The following SLC16A7 variants were observed in gnomAD, a reference collection of about 807,000 sequenced individuals.
SLC16A7 encodes monocarboxylate transporter 2.
SLC16A7 carries 33 observed loss-of-function variants against 34.9 expected under a neutral mutation model. That is an observed-to-expected ratio of 0.94 (90% CI 0.72 to 1.26). SLC16A7 has a LOEUF of 1.26. SLC16A7 is among the 50% of genes most tolerant of loss of function. The probability of loss-of-function intolerance (pLI) is 0.00; values close to 1 mark genes in which losing one functional copy is unlikely to be tolerated. For missense variants in SLC16A7, 573 were observed against 578.1 expected (o/e 0.99, Z 0.09); for synonymous variants, 201 against 206.6 (o/e 0.97, Z 0.23).
intron 2 of SLC16A7, among the ~76,000 whole-genome samples, chr12:59,671,658 TTCTCTCTCTC>T (rs34073980): frequency 7.2e-6 from 1 of 139,578 alleles, no homozygotes; most frequent in African/African-American, 2.6e-5. Flanking sequence ...ACAGTGCTCT[TTCTCTCTCTC>T]TCTCTCTCTC....
intron 3 of SLC16A7, among the ~76,000 whole-genome samples, chr12:59,758,542 AATG>A (rs1028305739): frequency 9.9e-5 from 15 of 152,054 alleles, no homozygotes; most frequent in Admixed American, 1.3e-4. Context: ...AATAGAATAA[AATG>A]ATAATATTGA....
chr12:59,751,738 CT>C (rs1879596055), intron 3 of SLC16A7, among the ~76,000 whole-genome samples: 1 of 152,204 alleles, frequency 6.6e-6, no homozygotes, highest in South Asian at 2.1e-4. Context: ...TGTCTGACAG[CT>C]TTGAAGAGAG....
At chr12:59,674,843 C>G (rs1287103760) in intron 2 of SLC16A7, among the ~76,000 whole-genome samples, 2 of 152,206 alleles carry the variant, frequency 1.3e-5, no homozygotes, top group African/African-American at 4.8e-5. Flanking sequence ...AAGGCTGTTA[C>G]TCACATGATA....
chr12:59,640,719 C>G (rs1880645424), intron 1 of SLC16A7, among the ~76,000 whole-genome samples: 1 of 151,844 alleles, frequency 6.6e-6, no homozygotes, highest in African/African-American at 2.4e-5. Flanking sequence ...CAGCCCCTAT[C>G]CAAAACAAGT....
chr12:59,701,066 G>A (rs1051117660), intron 2 of SLC16A7, among the ~76,000 whole-genome samples: 8 of 151,698 alleles, frequency 5.3e-5, no homozygotes, highest in African/African-American at 1.9e-4. Context: ...TAAAAGACAT[G>A]TAATTTGGAA....
In SLC16A7 at chr12:59,743,367, C is replaced by G. The variant is rs556451169; in HGVS notation, c.218-27852C>G. On this transcript the variant is annotated intron_variant, in intron 3 of 5. Coordinates refer to ENST00000547379, the MANE Select transcript of SLC16A7 (RefSeq NM_001270623.2). ...TTTAAATGCCTTTGCATTTAAAATTCATTCTGATAATTTGCCATCTCTAAA... is the reference window on the plus strand; with the variant it reads ...TTTAAATGCCTTTGCATTTAAAATTGATTCTGATAATTTGCCATCTCTAAA... Among the ~76,000 whole-genome samples, 138 of 152,260 alleles carry G rather than the reference C, an allele frequency of 9.1e-4. 1 individual carries two copies. Among genetic ancestry groups the G allele is most frequent in the Non-Finnish European group, 4.1e-4 (28 of 68,012 alleles).
chr12:59,761,486 A>AT (rs1266101148), intron 3 of SLC16A7, among the ~76,000 whole-genome samples: 1 of 152,118 alleles, frequency 6.6e-6, no homozygotes, highest in Non-Finnish European at 1.5e-5. Flanking sequence ...ATCTGAATCT[A>AT]TTTGTTCAAC....
chr12:59,605,653 T>G (rs1878902994), intron 1 of SLC16A7, among the ~76,000 whole-genome samples: 1 of 152,236 alleles, frequency 6.6e-6, no homozygotes, highest in South Asian at 2.1e-4. Context: ...TTTTTAGTCT[T>G]GAGTTACACA....
At chr12:59,654,805 C>G (rs1449940681) in intron 1 of SLC16A7, among the ~76,000 whole-genome samples, 3 of 151,764 alleles carry the variant, frequency 2.0e-5, no homozygotes, top group Non-Finnish European at 4.4e-5. Context: ...AGATGGTGGA[C>G]TGAAATGAGT....
chr12:59,676,885 G>A (rs1870357831), intron 2 of SLC16A7, among the ~76,000 whole-genome samples: 1 of 151,918 alleles, frequency 6.6e-6, no homozygotes, highest in South Asian at 2.1e-4. Flanking sequence ...ATTTGCATAA[G>A]GTAGAAAGCA....
At chr12:59,752,960 T>G in intron 3 of SLC16A7, among the ~76,000 whole-genome samples, 1 of 152,110 alleles carries the variant, frequency 6.6e-6, no homozygotes, top group Non-Finnish European at 1.5e-5. Flanking sequence ...TCAACATTCT[T>G]AAAGAAAAGA....
Position 59,783,954 on chromosome 12 carries a change from CAGGCGTG to C in SLC16A7, c.*4278_*4284del, listed in dbSNP as rs1565728358. On this transcript the variant is annotated 3_prime_UTR_variant, in exon 6 of 6. Transcript: ENST00000547379. ...TCTGCCTCCCAAAGTGCTGGGATTACAGGCGTGAGCCACTGCGCCCAGCCTTGAATAT... is the reference window on the plus strand; with the variant it reads ...TCTGCCTCCCAAAGTGCTGGGATTACAGCCACTGCGCCCAGCCTTGAATAT... 1 of 152,300 alleles carries C rather than the reference CAGGCGTG, an allele frequency of 6.6e-6. No homozygotes were observed. The highest frequency in any genetic ancestry group is 1.9e-4 in the East Asian group (1 of 5,176). The allele number at this position is 152,300 out of a possible 1,614,324, so 9.4% of individuals were successfully genotyped here. A position where few individuals can be genotyped will look rare whatever the true frequency, so the allele number is the denominator to read the frequency against.
intron 3 of SLC16A7, chr12:59,735,895 C>T (rs1877532496): frequency 2.5e-6 from 3 of 1,187,116 alleles, no homozygotes; most frequent in South Asian, 1.5e-5. Flanking sequence ...TTCAAATGGC[C>T]CCTAACAGAT....
intron 2 of SLC16A7, 34 bp from the exon 3 acceptor site, chr12:59,704,738 A>ATT (rs1873363417): frequency 8.7e-7 from 1 of 1,151,608 alleles, no homozygotes; most frequent in African/African-American, 1.6e-5. Context: ...AGGGGAAATA[A>ATT]AATTTAAACT....
chr12:59,596,602 T>G lies in SLC16A7; in HGVS notation c.-130+366T>G, dbSNP rs1878410997. 6.6e-6 allele frequency among the ~76,000 whole-genome samples: 1 copy of G among 150,980 alleles called. No homozygotes were observed. The highest frequency in any genetic ancestry group is 1.5e-5 in the Non-Finnish European group (1 of 67,776). ...CAGCGTGGCGCGGTGCACCCCAGTC[T>G]CCCTGGCTCACGGGACTCCGAGGGC... On this transcript the variant is annotated intron_variant, in intron 1 of 5. Coordinates refer to ENST00000547379, the MANE Select transcript of SLC16A7 (RefSeq NM_001270623.2). This position sits in a 1 kb window ranked among gnomAD's most constrained non-coding sequence, Gnocchi z 5.0.
chr12:59,764,323 T>C (rs1340779187), intron 3 of SLC16A7, among the ~76,000 whole-genome samples: 1 of 152,118 alleles, frequency 6.6e-6, no homozygotes, highest in Non-Finnish European at 1.5e-5. Flanking sequence ...AGTACATTTT[T>C]TTGTTTTTGT....
intron 2 of SLC16A7, among the ~76,000 whole-genome samples, chr12:59,703,536 A>G (rs1447626386): frequency 1.3e-5 from 2 of 152,140 alleles, no homozygotes; most frequent in Non-Finnish European, 2.9e-5. Flanking sequence ...ATATATTTAT[A>G]AAAAATGTTT....
intron 1 of SLC16A7, among the ~76,000 whole-genome samples, chr12:59,615,667 A>G (rs905941570): frequency 6.6e-6 from 1 of 152,184 alleles, no homozygotes; most frequent in Non-Finnish European, 1.5e-5. Flanking sequence ...CCCTTTGGTG[A>G]CTGTTCATAC....
At position 59,675,057 on chromosome 12, in the gene SLC16A7, T is replaced by C. The variant is rs184120532; in HGVS notation, c.-31+19807T>C. Among the ~76,000 whole-genome samples the C allele has an allele frequency of 2.4e-4, 36 of 152,332 alleles. No homozygotes were observed. In the East Asian group the frequency reaches 5.0e-3, roughly 21 times the overall value. ...CAAGGGCAATGATAGAACAAGGCCG[T>C]ATGCCTGTCATTATCCAGCAGGCTA... On this transcript the variant is annotated intron_variant, in intron 2 of 5. Transcript: ENST00000547379.
Sources: allele counts gnomAD v4.1 joint callset (sites outside exome capture counted in the v4.1 genomes callset), GRCh38; gene constraint gnomAD v4.1.1; non-coding constraint Gnocchi (gnomAD v3.1); transcripts MANE v1.5; gene names NCBI Gene and HGNC (gene_info 2026-07-23, HGNC 2026-07-21).